Variants in GPC6 observed in about 807,000 individuals in gnomAD.
GPC6 encodes the protein glypican 6.
In GPC6, 14 loss-of-function variants were observed where a neutral mutation model predicts 55.2. The ratio of observed to expected loss-of-function variants is 0.25; its 90% CI spans 0.17 to 0.40. The LOEUF (loss-of-function observed/expected upper bound fraction) is 0.40, where lower values mean the gene tolerates loss of function less well. Among genes scored for constraint, GPC6 ranks in the 10% least tolerant of loss-of-function variants. The pLI, the probability that GPC6 is intolerant of heterozygous loss-of-function variation, is 1.00. For missense variants in GPC6, 641 were observed against 708.5 expected (o/e 0.90, Z 1.08); for synonymous variants, 278 against 259.6 (o/e 1.07, Z -0.68).
intron 2 of GPC6, among the ~76,000 whole-genome samples, chr13:93,555,833 C>G (rs184008374): frequency 5.3e-5 from 8 of 152,118 alleles, no homozygotes; most frequent in African/African-American, 1.9e-4. Context: ...TTGGTCTGGA[C>G]TGAACTCAGA....
chr13:94,015,088 T>A (rs1882408003), intron 3 of GPC6, among the ~76,000 whole-genome samples: 1 of 152,216 alleles, frequency 6.6e-6, no homozygotes, highest in Non-Finnish European at 1.5e-5. Flanking sequence ...TAGTTTTATG[T>A]TTAATCTTTT....
At chr13:93,565,934 C>CAAAAAAAAAAAA (rs35217779) in intron 2 of GPC6, among the ~76,000 whole-genome samples, 1 of 134,832 alleles carries the variant, frequency 7.4e-6, no homozygotes, top group Non-Finnish European at 1.6e-5. Flanking sequence ...AACAAACAAA[C>CAAAAAAAAAAAA]AAAAAAAAAA....
intron 2 of GPC6, among the ~76,000 whole-genome samples, chr13:93,761,660 A>G (rs941693912): frequency 1.3e-5 from 2 of 152,082 alleles, no homozygotes; most frequent in African/African-American, 4.8e-5. Flanking sequence ...ATGCACCACC[A>G]CACCGGGCTA....
At chr13:94,374,653 G>A (rs1319923254) in intron 6 of GPC6, among the ~76,000 whole-genome samples, 29 of 151,552 alleles carry the variant, frequency 1.9e-4, no homozygotes, top group Middle Eastern at 3.4e-3. Flanking sequence ...ACAGTTCAAC[G>A]AGACAGAAAG....
chr13:94,304,669 C>T (rs766723558), intron 5 of GPC6, among the ~76,000 whole-genome samples: 9 of 152,174 alleles, frequency 5.9e-5, no homozygotes, highest in Non-Finnish European at 1.0e-4. Context: ...TATTATCTCT[C>T]GATAACCAGC....
intron 2 of GPC6, among the ~76,000 whole-genome samples, chr13:93,597,007 CAAAAAAAAAAAAA>C (rs10709473): frequency 4.4e-5 from 3 of 68,062 alleles, no homozygotes; most frequent in Non-Finnish European, 1.0e-4. Flanking sequence ...TCAAATCTGG[CAAAAAAAAAAAAA>C]AAAAAAAAAA....
At chr13:93,756,329 T>C (rs1416163887) in intron 2 of GPC6, among the ~76,000 whole-genome samples, 1 of 152,150 alleles carries the variant, frequency 6.6e-6, no homozygotes, top group Non-Finnish European at 1.5e-5. Flanking sequence ...CCCCACCCAT[T>C]TTCTTACACT....
At chr13:93,630,659 G>A (rs898214741) in intron 2 of GPC6, among the ~76,000 whole-genome samples, 25 of 152,060 alleles carry the variant, frequency 1.6e-4, no homozygotes, top group African/African-American at 5.8e-4. Flanking sequence ...TAATTAGAAA[G>A]AGTATTTTCT....
intron 1 of GPC6, among the ~76,000 whole-genome samples, chr13:93,414,996 TAAAC>T (rs910585088): frequency 4.6e-5 from 7 of 152,326 alleles, no homozygotes; most frequent in African/African-American, 1.7e-4. Flanking sequence ...TCATTTGTGA[TAAAC>T]AAACACAGTT....
chr13:93,416,004 A>G (rs2813612), intron 1 of GPC6, among the ~76,000 whole-genome samples: 152,107 of 152,216 alleles, frequency 1, 75,999 homozygotes, highest in Non-Finnish European at 1. Context: ...GTAGTTTTAT[A>G]TGGTTTAACC....
chr13:93,255,605 G>A (rs888368438), intron 1 of GPC6, among the ~76,000 whole-genome samples: 3 of 152,054 alleles, frequency 2.0e-5, no homozygotes, highest in Admixed American at 2.0e-4. Context: ...GAATACTGAA[G>A]GTGCTGTTTC....
chr13:93,757,723 T>C (rs1328938036), intron 2 of GPC6, among the ~76,000 whole-genome samples: 1 of 152,080 alleles, frequency 6.6e-6, no homozygotes, highest in East Asian at 1.9e-4. Context: ...CCAGCAGTAG[T>C]AGGAATGACT....
At chr13:94,130,593 A>G (rs953620115) in intron 4 of GPC6, among the ~76,000 whole-genome samples, 1 of 152,152 alleles carries the variant, frequency 6.6e-6, no homozygotes, top group African/African-American at 2.4e-5. Flanking sequence ...TTGAAAGTAC[A>G]GTAGGAAACC....
chr13:93,826,149 T>A (rs1352236193), intron 2 of GPC6, among the ~76,000 whole-genome samples: 1 of 152,092 alleles, frequency 6.6e-6, no homozygotes, highest in Non-Finnish European at 1.5e-5. Flanking sequence ...CATGAGCCAC[T>A]GCACCCGGCC....
chr13:93,242,269 G>A (rs900788141), intron 1 of GPC6, among the ~76,000 whole-genome samples: 3 of 152,262 alleles, frequency 2.0e-5, no homozygotes, highest in Admixed American at 2.0e-4. Context: ...CTTCATAGGT[G>A]AAAGGAAGGG....
At chr13:93,470,251 GT>G in intron 1 of GPC6, among the ~76,000 whole-genome samples, 1 of 151,756 alleles carries the variant, frequency 6.6e-6, no homozygotes, top group East Asian at 1.9e-4. Flanking sequence ...TAGGTGTAGT[GT>G]TTTTGTGAAT....
chr13:93,776,838 T>G (rs1406735636), intron 2 of GPC6, among the ~76,000 whole-genome samples: 1 of 152,142 alleles, frequency 6.6e-6, no homozygotes, highest in Admixed American at 6.6e-5. Flanking sequence ...TGCTGACTGG[T>G]TTGCAGGCTT....
intron 2 of GPC6, among the ~76,000 whole-genome samples, chr13:93,819,462 T>G (rs1272343311): frequency 1.3e-5 from 2 of 152,230 alleles, no homozygotes; most frequent in Non-Finnish European, 2.9e-5. Flanking sequence ...TGATTTTAAG[T>G]TACTGTTAAT....
intron 6 of GPC6, among the ~76,000 whole-genome samples, chr13:94,343,189 G>A (rs12584506): frequency 0.037 from 5,622 of 152,214 alleles, 258 homozygotes; most frequent in East Asian, 0.19. Context: ...GGTTTTTATT[G>A]ATTCTATGGC....
Sources: allele counts gnomAD v4.1 joint callset (sites outside exome capture counted in the v4.1 genomes callset), GRCh38; gene constraint gnomAD v4.1.1; transcripts MANE v1.5; gene names NCBI Gene and HGNC (gene_info 2026-07-23, HGNC 2026-07-21).